Variants in TOP2B observed in about 807,000 individuals in gnomAD.
TOP2B encodes DNA topoisomerase 2-beta.
TOP2B carries 51 observed loss-of-function variants against 193.5 expected under a neutral mutation model. That is an observed-to-expected ratio of 0.26 (90% CI 0.21 to 0.33). The LOEUF is 0.33. Among genes scored for constraint, TOP2B ranks in the 10% least tolerant of loss-of-function variants. TOP2B has a pLI of 1.00. For missense variants in TOP2B, 1,378 were observed against 1,909.3 expected (o/e 0.72, Z 5.19); for synonymous variants, 634 against 635.7 (o/e 1.00, Z 0.04).
chr3:25,649,937 A>T (rs1703534354), intron 1 of TOP2B, among the ~76,000 whole-genome samples: 5 of 152,234 alleles, frequency 3.3e-5, no homozygotes, highest in Admixed American at 2.6e-4. Flanking sequence ...CACTTTTATA[A>T]GTGATGATAT....
intron 4 of TOP2B, among the ~76,000 whole-genome samples, chr3:25,641,405 C>CT (rs1414791746): frequency 2.0e-5 from 3 of 151,926 alleles, no homozygotes; most frequent in Non-Finnish European, 2.9e-5. Flanking sequence ...GAAAAGGAAT[C>CT]TTAACAGCCA....
intron 34 of TOP2B, among the ~76,000 whole-genome samples, 160 bp downstream of exon 34, chr3:25,600,940 G>C (rs928616446): frequency 5.3e-5 from 8 of 152,072 alleles, no homozygotes; most frequent in African/African-American, 1.7e-4. Context: ...GCCTCCTTTG[G>C]ACTATATTCA....
Position 25,630,937 on chromosome 3 carries a change from G to T in TOP2B, c.1269C>A (p.Ala423=), listed in dbSNP as rs1259601492. The change falls in exon 11 of 36, where the codon GCC becomes GCA. Residue 423 remains alanine, a splice_region_variant and synonymous_variant. Transcript: ENST00000264331. ...CQLSEKFFKA[A]SNCGIVESIL... ...TACTTTCTACAATGCCACAATTAGAGGCCTAAAAATAAAAGAATAATGGTA... is the reference window on the plus strand; with the variant it reads ...TACTTTCTACAATGCCACAATTAGATGCCTAAAAATAAAAGAATAATGGTA... 6.3e-7 allele frequency: 1 copy of T among 1,580,898 alleles called. No individual in the cohort carries two copies. The highest frequency in any genetic ancestry group is 1.4e-5 in the African/African-American group (1 of 72,582).
At chr3:25,626,718 G>T in intron 17 of TOP2B, 44 bp from the exon 18 acceptor site, 1 of 1,522,538 alleles carries the variant, frequency 6.6e-7, no homozygotes, top group Non-Finnish European at 9.0e-7. Context: ...ATTACTGCAT[G>T]AATTCTAGTC....
chr3:25,642,432 T>C (rs1476899145), intron 3 of TOP2B, 47 bp from the exon 4 acceptor site: 1 of 1,225,328 alleles, frequency 8.2e-7, no homozygotes, highest in Non-Finnish European at 1.2e-6. Context: ...ATTATATAAA[T>C]AAATACATGG....
intron 13 of TOP2B, among the ~76,000 whole-genome samples, chr3:25,629,808 C>T (rs1702907911): frequency 6.6e-6 from 1 of 151,998 alleles, no homozygotes. Context: ...GCTATAGTAC[C>T]ACACTGTATT....
At position 25,599,468 on chromosome 3, in the gene TOP2B, G is replaced by C. The variant is rs1702030238; in HGVS notation, c.4677C>G (p.Asn1559Lys). The change falls in exon 35 of 36, where the codon AAC (asparagine) becomes AAG (lysine). Residue 1559 changes from asparagine to lysine, a missense_variant. Around this residue, in one of 9 missense-constraint regions of TOP2B, gnomAD observed 556 missense variants for 584.2 expected, o/e 0.95. Transcript: ENST00000264331. ...ASGSENEGDY[N>K]PGRKTSKTTS... Reference sequence around the variant, plus strand: ...TTGTTTTGGATGTTTTCCTGCCAGGGTTATAATCGCCTTCATTTTCAGAGC... The same window carrying C: ...TTGTTTTGGATGTTTTCCTGCCAGGCTTATAATCGCCTTCATTTTCAGAGC... 1.2e-6 allele frequency: 2 copies of C among 1,613,484 alleles called. No homozygotes were observed. Among genetic ancestry groups the C allele is most frequent in the African/African-American group, 1.3e-5 (1 of 74,906 alleles).
intron 1 of TOP2B, among the ~76,000 whole-genome samples, chr3:25,657,101 A>G (rs1252438349): frequency 6.6e-6 from 1 of 152,218 alleles, no homozygotes; most frequent in Non-Finnish European, 1.5e-5. Context: ...ACAAATGGTA[A>G]TTTACATTGC....
chr3:25,615,710 G>T, intron 25 of TOP2B, 124 bp from the exon 26 acceptor site: 1 of 856,446 alleles, frequency 1.2e-6, no homozygotes, highest in Non-Finnish European at 1.6e-6. Flanking sequence ...CTTCAGGATG[G>T]TGGGGTTATT....
At chr3:25,609,791 T>C (rs1702324019) in intron 28 of TOP2B, 79 bp from the exon 29 acceptor site, 9 of 1,344,508 alleles carry the variant, frequency 6.7e-6, no homozygotes, top group Middle Eastern at 2.0e-4. Flanking sequence ...AATCAACAGA[T>C]AGCGCCTTCA....
At chr3:25,638,479 A>G (rs1703170070) in intron 4 of TOP2B, among the ~76,000 whole-genome samples, 169 bp from the exon 5 acceptor site, 1 of 151,910 alleles carries the variant, frequency 6.6e-6, no homozygotes, top group Admixed American at 6.5e-5. Flanking sequence ...TCTCAAGAAA[A>G]TACTCGCTGA....
intron 33 of TOP2B, among the ~76,000 whole-genome samples, chr3:25,601,962 C>T (rs116124764): frequency 1.4e-3 from 212 of 152,274 alleles, no homozygotes; most frequent in Non-Finnish European, 2.4e-3. Flanking sequence ...CATTCAAAAG[C>T]TGAAATCCAG....
intron 7 of TOP2B, among the ~76,000 whole-genome samples, chr3:25,634,920 G>A (rs1703064851): frequency 6.6e-6 from 1 of 151,982 alleles, no homozygotes; most frequent in Non-Finnish European, 1.5e-5. Context: ...TACCTATGGA[G>A]GAGAGGCATA....
intron 35 of TOP2B, among the ~76,000 whole-genome samples, chr3:25,598,972 T>C (rs1174784695): frequency 6.6e-6 from 1 of 151,972 alleles, no homozygotes; most frequent in Non-Finnish European, 1.5e-5. Context: ...TAAAAAGGGA[T>C]GCGGGGGAGC....
rs577735404 is a variant in TOP2B, at chr3:25,644,963, T to A, written c.240+337A>T. ...GGCGCCCGCCACCACACCCAGAAAA[T>A]TTTTTTTTTTGTATTTTTTTGTATT... is the stretch of plus-strand genomic sequence containing the variant. On this transcript the variant is annotated intron_variant, in intron 2 of 35. Transcript: ENST00000264331. Among the ~76,000 whole-genome samples the A allele has an allele frequency of 5.5e-4, 59 of 106,910 alleles. 1 individual carries two copies. The highest frequency in any genetic ancestry group is 1.3e-3 in the South Asian group (4 of 3,090). The allele number at this position is 106,910 out of a possible 152,430, so 70.1% of individuals were successfully genotyped here.
At chr3:25,619,841 A>G (rs1702611433) in intron 23 of TOP2B, 21 bp downstream of exon 23, 1 of 1,522,248 alleles carries the variant, frequency 6.6e-7, no homozygotes, top group South Asian at 1.1e-5. Context: ...GATTAAATTA[A>G]CAGTAAATCT....
intron 31 of TOP2B, 48 bp from the exon 32 acceptor site, chr3:25,606,170 G>T: frequency 1.1e-6 from 1 of 880,356 alleles, no homozygotes; most frequent in Non-Finnish European, 1.7e-6. Flanking sequence ...TTAAATATCT[G>T]ATTTCAATCC....
intron 2 of TOP2B, 43 bp from the exon 3 acceptor site, chr3:25,643,827 T>A: frequency 7.1e-7 from 1 of 1,409,694 alleles, no homozygotes; most frequent in Non-Finnish European, 1.0e-6. Context: ...AATAAATCCT[T>A]AATATCAATT....
At chr3:25,601,795 C>T (rs1310619976) in intron 33 of TOP2B, among the ~76,000 whole-genome samples, 2 of 152,006 alleles carry the variant, frequency 1.3e-5, no homozygotes, top group East Asian at 1.9e-4. Flanking sequence ...TAAGCAGTAA[C>T]TTTTAAATAC....
Sources: allele counts gnomAD v4.1 joint callset (sites outside exome capture counted in the v4.1 genomes callset), GRCh38; gene constraint gnomAD v4.1.1; regional missense constraint gnomAD v4.1.1; transcripts MANE v1.5; gene names NCBI Gene and HGNC (gene_info 2026-07-23, HGNC 2026-07-21).